MAP1B: variants seen among roughly 807,000 people sequenced by gnomAD.
The protein encoded by MAP1B is microtubule-associated protein 1B.
In MAP1B, 12 loss-of-function variants were observed where a neutral mutation model predicts 176.1. The observed-to-expected ratio is 0.07, with a 90% CI of 0.04 to 0.11. The LOEUF (loss-of-function observed/expected upper bound fraction) is 0.11. Among genes scored for constraint, MAP1B ranks in the 10% least tolerant of loss-of-function variants. The pLI is 1.00. For missense variants in MAP1B, 2,523 were observed against 2,990.5 expected (o/e 0.84, Z 3.65); for synonymous variants, 1,044 against 1,135.0 (o/e 0.92, Z 1.61).
At chr5:72,157,801 C>A (rs1215495310) in intron 2 of MAP1B, among the ~76,000 whole-genome samples, 2 of 152,194 alleles carry the variant, frequency 1.3e-5, no homozygotes, top group Non-Finnish European at 2.9e-5. Flanking sequence ...ATAATACAGG[C>A]AAAGCAGTTT....
At chr5:72,171,622 G>A (rs1286477754) in intron 2 of MAP1B, among the ~76,000 whole-genome samples, 1 of 152,076 alleles carries the variant, frequency 6.6e-6, no homozygotes, top group Non-Finnish European at 1.5e-5. Context: ...TGGAAGAAAC[G>A]TGTTTGGGAT....
intron 2 of MAP1B, among the ~76,000 whole-genome samples, chr5:72,124,628 C>T (rs528072044): frequency 1.3e-5 from 2 of 152,210 alleles, no homozygotes; most frequent in Non-Finnish European, 2.9e-5. Flanking sequence ...GAAATATGAA[C>T]ATCCTGAGGA....
intron 4 of MAP1B, among the ~76,000 whole-genome samples, chr5:72,191,960 T>C (rs1407999162): frequency 5.3e-5 from 8 of 152,206 alleles, no homozygotes; most frequent in African/African-American, 1.4e-4. Context: ...TTACATACTT[T>C]ACATAAAAAG....
Position 72,196,764 on chromosome 5 carries a change from T to A in MAP1B, c.3409T>A (p.Ser1137Thr). Reference sequence around the variant, plus strand: ...TGAGCCCACCCCCATGGATGAGATGTCTACCCCTCGAGACGTGATGAGTGA... The same window carrying A: ...TGAGCCCACCCCCATGGATGAGATGACTACCCCTCGAGACGTGATGAGTGA... ...SSEPTPMDEM[S>T]TPRDVMSDET... The change falls in exon 5 of 7, where the codon TCT (serine) becomes ACT (threonine). Residue 1137 changes from serine (S) to threonine (T), a missense_variant. Ser to Thr is a moderately conservative substitution (Grantham distance 58). Coordinates refer to ENST00000296755, the MANE Select transcript of MAP1B (RefSeq NM_005909.5). This position sits in a 1 kb window ranked among gnomAD's most constrained non-coding sequence, Gnocchi z 5.3. 6.2e-7 allele frequency: 1 copy of A among 1,614,096 alleles called. No homozygotes were observed. The highest frequency in any genetic ancestry group is 8.5e-7 in the Non-Finnish European group (1 of 1,180,000).
intron 2 of MAP1B, among the ~76,000 whole-genome samples, chr5:72,180,344 G>A (rs1053206886): frequency 4.6e-5 from 7 of 152,022 alleles, no homozygotes; most frequent in Non-Finnish European, 1.0e-4. Flanking sequence ...CCTTCTCCTT[G>A]GTCTTAAGCT....
intron 2 of MAP1B, among the ~76,000 whole-genome samples, chr5:72,158,765 G>A (rs1746275827): frequency 6.6e-6 from 1 of 152,162 alleles, no homozygotes; most frequent in Non-Finnish European, 1.5e-5. Flanking sequence ...AGGCAGTTTG[G>A]GTATAAGTGC....
At position 72,115,865 on chromosome 5, in the gene MAP1B, TTG is replaced by T; in HGVS notation, c.286+68_286+69del. On this transcript the variant is annotated intron_variant, in intron 2 of 6. Transcript: ENST00000296755. The stretch of plus-strand genomic sequence containing the variant: ...AGGACAAGGAGCAAGCTAGAAAGCT[TTG>T]TCTGAGGCAGCAAAAAGACTCTCTT... The T allele has an allele frequency of 6.0e-6, 7 of 1,158,144 alleles. No individual in the cohort carries two copies. The South Asian group carries it at 8.6e-5, about 14-fold the overall frequency. The allele number at this position is 1,158,144 out of a possible 1,614,324, so 71.7% of individuals were successfully genotyped here. A position where few individuals can be genotyped will look rare whatever the true frequency, so the allele number is the denominator to read the frequency against.
chr5:72,137,362 A>C (rs1344491084), intron 2 of MAP1B, among the ~76,000 whole-genome samples: 3 of 152,210 alleles, frequency 2.0e-5, no homozygotes, highest in Non-Finnish European at 4.4e-5. Context: ...ATAGGCAATA[A>C]ATATGTTCCA....
chr5:72,122,941 T>C (rs548129943), intron 2 of MAP1B, among the ~76,000 whole-genome samples: 2 of 152,256 alleles, frequency 1.3e-5, no homozygotes, highest in African/African-American at 4.8e-5. Flanking sequence ...TTTTTGTTAG[T>C]AGAGTTTTTT....
At chr5:72,181,163 T>A (rs941524073) in intron 2 of MAP1B, among the ~76,000 whole-genome samples, 7 of 152,160 alleles carry the variant, frequency 4.6e-5, no homozygotes, top group African/African-American at 1.7e-4. Flanking sequence ...TGTTTAGGCT[T>A]CTGTCTGTGA....
intron 2 of MAP1B, among the ~76,000 whole-genome samples, chr5:72,124,543 C>T (rs1313514091): frequency 6.6e-6 from 1 of 152,144 alleles, no homozygotes; most frequent in Non-Finnish European, 1.5e-5. Context: ...TGCAGTTGTA[C>T]CGCACCTCAT....
At chr5:72,175,940 G>T (rs1046037950) in intron 2 of MAP1B, among the ~76,000 whole-genome samples, 1 of 152,188 alleles carries the variant, frequency 6.6e-6, no homozygotes, top group Admixed American at 6.5e-5. Flanking sequence ...CATTATTTGC[G>T]AAGTCTCCTG....
At chr5:72,184,320 C>T (rs1238447426) in intron 3 of MAP1B, among the ~76,000 whole-genome samples, 2 of 152,190 alleles carry the variant, frequency 1.3e-5, no homozygotes, top group South Asian at 2.1e-4. Flanking sequence ...GGCACCAGGT[C>T]ACCTGGGTTC....
chr5:72,187,040 T>G (rs1746923457), intron 4 of MAP1B, among the ~76,000 whole-genome samples: 1 of 152,212 alleles, frequency 6.6e-6, no homozygotes, highest in Admixed American at 6.5e-5. Flanking sequence ...TGGAGAAACT[T>G]GAAATGTCAG....
chr5:72,120,349 T>C (rs1289523860), intron 2 of MAP1B, among the ~76,000 whole-genome samples: 1 of 152,174 alleles, frequency 6.6e-6, no homozygotes. Context: ...CTGTGTCATC[T>C]TGGACAAGTT....
intron 2 of MAP1B, among the ~76,000 whole-genome samples, chr5:72,160,579 G>A (rs1746309309): frequency 6.6e-6 from 1 of 152,184 alleles, no homozygotes; most frequent in Non-Finnish European, 1.5e-5. Context: ...GCCTCATGAT[G>A]TCATCATTTT....
chr5:72,199,588 A>G lies in MAP1B; in HGVS notation c.6233A>G (p.Gln2078Arg). ...AEKKSPSEAR[Q>R]DVDLCLVSSC... is the part of the protein sequence containing the mutation. Reference sequence around the variant, plus strand: ...AAGAAGTCCCCCTCAGAAGCCCGTCAGGATGTCGATTTATGCCTCGTGTCC... The same window carrying G: ...AAGAAGTCCCCCTCAGAAGCCCGTCGGGATGTCGATTTATGCCTCGTGTCC... Residue 2078 changes from glutamine to arginine, a missense_variant, in exon 5 of 7, where the codon CAG becomes CGG. Gln to Arg is a conservative substitution (Grantham distance 43). This residue lies in a region of MAP1B where 1,925 missense variants were observed against 2,126.0 expected (regional missense o/e 0.91). Transcript: ENST00000296755. The surrounding 1 kb of genome is among the most constrained non-coding windows in gnomAD (Gnocchi z 4.2). 1 of 1,614,224 alleles carries G rather than the reference A, an allele frequency of 6.2e-7. No homozygotes were observed. The highest frequency in any genetic ancestry group is 1.1e-5 in the South Asian group (1 of 91,076).
At chr5:72,167,415 T>A (rs987674730) in intron 2 of MAP1B, among the ~76,000 whole-genome samples, 7 of 152,206 alleles carry the variant, frequency 4.6e-5, no homozygotes, top group African/African-American at 1.7e-4. Flanking sequence ...TGGTTCTCTC[T>A]CTACTACTGT....
chr5:72,107,874 GAAT>G (rs1162237756), intron 1 of MAP1B, among the ~76,000 whole-genome samples, 159 bp downstream of exon 1: 2 of 152,156 alleles, frequency 1.3e-5, no homozygotes, highest in Non-Finnish European at 2.9e-5. Flanking sequence ...GGCTAATTAA[GAAT>G]AATCCGAATT....
Sources: allele counts gnomAD v4.1 joint callset (sites outside exome capture counted in the v4.1 genomes callset), GRCh38; gene constraint gnomAD v4.1.1; regional missense constraint gnomAD v4.1.1; non-coding constraint Gnocchi (gnomAD v3.1); transcripts MANE v1.5; gene names NCBI Gene and HGNC (gene_info 2026-07-23, HGNC 2026-07-21).